CNBD1: variants seen among roughly 807,000 people sequenced by gnomAD.
CNBD1 encodes cyclic nucleotide-binding domain-containing protein 1.
CNBD1 carries 71 observed loss-of-function variants against 54.4 expected under a neutral mutation model. That is an observed-to-expected ratio of 1.30 (90% CI 1.08 to 1.59). The LOEUF is 1.59. Ranked by LOEUF, CNBD1 falls within the 40% of genes most tolerant of loss-of-function variation. CNBD1 has a pLI of 0.00. For synonymous variants in CNBD1, 182 were observed against 170.7 expected (o/e 1.07, Z -0.51); for missense variants, 659 against 518.0 (o/e 1.27, Z -2.64).
At chr8:86,907,291 T>A (rs548453881) in intron 3 of CNBD1, among the ~76,000 whole-genome samples, 1 of 152,296 alleles carries the variant, frequency 6.6e-6, no homozygotes, top group Non-Finnish European at 1.5e-5. Flanking sequence ...TTGAACCACA[T>A]GCCCACCTGA....
chr8:87,364,767 A>G (rs113064771), intron 10 of CNBD1, among the ~76,000 whole-genome samples: 2,851 of 152,048 alleles, frequency 0.019, 89 homozygotes, highest in African/African-American at 0.062. Context: ...TCCTGCATTA[A>G]TTTATAAGGA....
chr8:86,958,713 T>C (rs1192332265), intron 4 of CNBD1, among the ~76,000 whole-genome samples: 1 of 152,186 alleles, frequency 6.6e-6, no homozygotes, highest in African/African-American at 2.4e-5. Flanking sequence ...ATTTTCAGCC[T>C]ATGTGTGTCT....
chr8:87,206,076 A>G lies in CNBD1; in HGVS notation c.515A>G (p.Asp172Gly), dbSNP rs1201172496. The change falls in exon 5 of 11, where the codon GAT (aspartate) becomes GGT (glycine). Residue 172 changes from aspartate to glycine, a missense_variant. Physicochemically the swap from Asp to Gly is moderately conservative, Grantham distance 94 (BLOSUM62 -1). Coordinates refer to ENST00000518476, the MANE Select transcript of CNBD1 (RefSeq NM_173538.3). ...TIPDLTFQLNDKHLKTLSKTV... is the reference protein window; with the variant it reads ...TIPDLTFQLNGKHLKTLSKTV... ...CCAGATTTAACCTTTCAGCTAAATG[A>G]TAAGCATCTGAAAACACTTAGTAAG... 1.2e-6 allele frequency: 2 copies of G among 1,607,590 alleles called. No homozygotes were observed. The highest frequency in any genetic ancestry group is 1.1e-5 in the South Asian group (1 of 90,324).
intron 6 of CNBD1, among the ~76,000 whole-genome samples, chr8:87,256,448 T>G (rs751651909): frequency 2.0e-5 from 3 of 152,104 alleles, no homozygotes; most frequent in African/African-American, 7.2e-5. Context: ...GGCTCTCCTA[T>G]TGCCTAGCTA....
intron 4 of CNBD1, among the ~76,000 whole-genome samples, chr8:87,137,530 C>T (rs779915229): frequency 2.0e-5 from 3 of 152,040 alleles, no homozygotes; most frequent in Non-Finnish European, 4.4e-5. Flanking sequence ...TGAAAACAAA[C>T]TTATAACACG....
At chr8:87,176,483 A>AT (rs35416460) in intron 4 of CNBD1, among the ~76,000 whole-genome samples, 16,563 of 134,352 alleles carry the variant, frequency 0.12, 1,253 homozygotes, top group South Asian at 0.2. Flanking sequence ...TTAAGTTAGT[A>AT]TTTTTTTTTT....
chr8:87,078,836 T>C (rs1280495105), intron 4 of CNBD1, among the ~76,000 whole-genome samples: 5 of 152,210 alleles, frequency 3.3e-5, no homozygotes, highest in Non-Finnish European at 7.4e-5. Context: ...ATATGGTCTA[T>C]AGGTATATAT....
intron 4 of CNBD1, among the ~76,000 whole-genome samples, chr8:86,974,644 A>C (rs1008758315): frequency 1.3e-5 from 2 of 152,178 alleles, no homozygotes; most frequent in Admixed American, 6.5e-5. Context: ...TTTAAAGGTG[A>C]GAAGCAAATT....
At chr8:86,999,332 T>C (rs1373775645) in intron 4 of CNBD1, among the ~76,000 whole-genome samples, 1 of 152,160 alleles carries the variant, frequency 6.6e-6, no homozygotes, top group Non-Finnish European at 1.5e-5. Context: ...ATGTTACTTG[T>C]TTTCTTCTAG....
chr8:87,421,729 A>G (rs1175042858), intron 2 of CNBD1, among the ~76,000 whole-genome samples: 1 of 150,166 alleles, frequency 6.7e-6, no homozygotes, highest in Non-Finnish European at 1.5e-5. Flanking sequence ...ATGCCACAAT[A>G]AACATACGTG....
At chr8:87,266,367 C>T (rs13279385) in intron 6 of CNBD1, among the ~76,000 whole-genome samples, 46,773 of 142,842 alleles carry the variant, frequency 0.33, 8,351 homozygotes, top group Middle Eastern at 0.41. Flanking sequence ...TGGGCACTAG[C>T]GACTGATAGG....
intron 4 of CNBD1, among the ~76,000 whole-genome samples, chr8:86,941,616 G>C (rs1028595077): frequency 2.0e-5 from 3 of 152,284 alleles, no homozygotes; most frequent in Non-Finnish European, 4.4e-5. Context: ...AAGCAGCTAT[G>C]ATTCTGCACT....
At chr8:87,038,158 T>G (rs772333094) in intron 4 of CNBD1, among the ~76,000 whole-genome samples, 1 of 152,186 alleles carries the variant, frequency 6.6e-6, no homozygotes, top group Non-Finnish European at 1.5e-5. Flanking sequence ...TCATCTACAA[T>G]TGAAAAGGAG....
chr8:87,353,871 G>A, intron 10 of CNBD1, 85 bp downstream of exon 10: 2 of 935,474 alleles, frequency 2.1e-6, no homozygotes, highest in South Asian at 1.9e-5. Context: ...TTATTAATCA[G>A]ATGCATATTT....
chr8:86,991,469 T>C (rs771331722), intron 4 of CNBD1, among the ~76,000 whole-genome samples: 1 of 152,058 alleles, frequency 6.6e-6, no homozygotes, highest in Non-Finnish European at 1.5e-5. Context: ...GAACCACCCT[T>C]GGTTTCATTG....
intron 10 of CNBD1, among the ~76,000 whole-genome samples, chr8:87,378,553 G>C (rs1157863484): frequency 6.6e-6 from 1 of 150,576 alleles, no homozygotes; most frequent in African/African-American, 2.5e-5. Flanking sequence ...TTTGGTTACT[G>C]TAGCCTTGTT....
chr8:87,396,851 G>A (rs567638770), intron 2 of CNBD1, among the ~76,000 whole-genome samples: 1 of 144,986 alleles, frequency 6.9e-6, no homozygotes, highest in South Asian at 2.2e-4. Context: ...CCCTCTTTGT[G>A]ACTTCTTGGT....
intron 4 of CNBD1, among the ~76,000 whole-genome samples, chr8:87,193,848 T>C (rs2130787821): frequency 6.6e-6 from 1 of 152,330 alleles, no homozygotes; most frequent in Non-Finnish European, 1.5e-5. Flanking sequence ...TTTGCTAAGC[T>C]ATACCCAGTA....
At chr8:86,985,855 G>A (rs762121292) in intron 4 of CNBD1, among the ~76,000 whole-genome samples, 3 of 152,084 alleles carry the variant, frequency 2.0e-5, no homozygotes, top group African/African-American at 4.8e-5. Context: ...AGCCTCACCA[G>A]TACCTGTTAT....
Sources: allele counts gnomAD v4.1 joint callset (sites outside exome capture counted in the v4.1 genomes callset), GRCh38; gene constraint gnomAD v4.1.1; transcripts MANE v1.5; gene names NCBI Gene and HGNC (gene_info 2026-07-23, HGNC 2026-07-21).